MACROD2: variants seen among roughly 807,000 people sequenced by gnomAD.
MACROD2 encodes the protein ADP-ribose glycohydrolase MACROD2.
Under a neutral mutation model 70.4 loss-of-function variants are expected in MACROD2, and 36 were observed. The ratio of observed to expected loss-of-function variants is 0.51; its 90% confidence interval spans 0.39 to 0.68. The LOEUF (loss-of-function observed/expected upper bound fraction) is 0.68, where lower values mean the gene tolerates loss of function less well. MACROD2 is among the 30% of genes least tolerant of loss of function. MACROD2 has a pLI of 0.00. For synonymous variants in MACROD2, 172 were observed against 178.8 expected, an observed-to-expected ratio of 0.96 and a Z score of 0.30; for missense variants, 496 against 538.4, an observed-to-expected ratio of 0.92 and a Z score of 0.78.
intron 3 of MACROD2, among the ~76,000 whole-genome samples, chr20:14,384,509 T>A (rs1035919722): frequency 2.6e-5 from 4 of 151,842 alleles, no homozygotes; most frequent in African/African-American, 9.7e-5. Flanking sequence ...AGATATTTAC[T>A]GGAGAGAAGG....
chr20:14,215,446 C>T (rs1392446522), intron 3 of MACROD2, among the ~76,000 whole-genome samples: 2 of 150,968 alleles, frequency 1.3e-5, no homozygotes, highest in Admixed American at 6.6e-5. Flanking sequence ...TTTGCAATTG[C>T]GAATTGTGCT....
intron 5 of MACROD2, among the ~76,000 whole-genome samples, chr20:15,020,865 A>G (rs2075161473): frequency 6.6e-6 from 1 of 151,606 alleles, no homozygotes; most frequent in Admixed American, 6.6e-5. Flanking sequence ...AAGTGGTGTA[A>G]TGTGGCGCAT....
At chr20:15,677,268 CCTACTGTTCTGGGATGAAAG>C (rs781336340) in intron 8 of MACROD2, among the ~76,000 whole-genome samples, 1 of 152,054 alleles carries the variant, frequency 6.6e-6, no homozygotes, top group Non-Finnish European at 1.5e-5. Flanking sequence ...GGCTCTCTTT[CCTACTGTTCTGGGATGAAAG>C]CATCTAGGAA....
intron 8 of MACROD2, among the ~76,000 whole-genome samples, chr20:15,720,343 G>A (rs1056251060): frequency 1.3e-5 from 2 of 152,068 alleles, no homozygotes; most frequent in African/African-American, 2.4e-5. Flanking sequence ...TCTTACAGTA[G>A]TTCTACTTTT....
At chr20:15,151,847 G>A (rs960261792) in intron 5 of MACROD2, among the ~76,000 whole-genome samples, 3 of 151,946 alleles carry the variant, frequency 2.0e-5, no homozygotes, top group Non-Finnish European at 2.9e-5. Flanking sequence ...GGTGATAAAA[G>A]TATTATAGGG....
chr20:15,152,254 G>A (rs2076275398), intron 5 of MACROD2, among the ~76,000 whole-genome samples: 1 of 151,924 alleles, frequency 6.6e-6, no homozygotes. Flanking sequence ...GAGAGTTGAA[G>A]AGGTTTTAAG....
chr20:14,215,335 TATACACACACACACACACACACACAC>T (rs2081610855), intron 3 of MACROD2, among the ~76,000 whole-genome samples: 1 of 101,672 alleles, frequency 9.8e-6, no homozygotes, highest in Non-Finnish European at 2.2e-5. Context: ...TGCCATCATA[TATACACACACACACACACACACACAC>T]ACACACACAC....
chr20:14,431,684 A>T (rs2083996327), intron 3 of MACROD2, among the ~76,000 whole-genome samples: 2 of 152,182 alleles, frequency 1.3e-5, no homozygotes, highest in Admixed American at 1.3e-4. Context: ...GGCATCGAAT[A>T]ACTATAAAGT....
intron 7 of MACROD2, among the ~76,000 whole-genome samples, chr20:15,452,736 G>A (rs1039198044): frequency 3.3e-5 from 5 of 152,140 alleles, no homozygotes; most frequent in South Asian, 4.2e-4. Context: ...CTTGTGGGTA[G>A]GTGGTGGAAT....
At chr20:14,720,631 G>T (rs2123683500) in intron 5 of MACROD2, among the ~76,000 whole-genome samples, 1 of 131,598 alleles carries the variant, frequency 7.6e-6, no homozygotes, top group East Asian at 2.6e-4. Context: ...TCGGCTCACT[G>T]CAACCTCTGA....
chr20:15,940,259 CTTT>C (rs35217675), intron 12 of MACROD2, among the ~76,000 whole-genome samples: 19 of 144,182 alleles, frequency 1.3e-4, no homozygotes, highest in East Asian at 2.0e-4. Context: ...CCTGGCTCTT[CTTT>C]TTTTTTTTTT....
At chr20:15,081,398 G>A (rs115684990) in intron 5 of MACROD2, among the ~76,000 whole-genome samples, 1,762 of 152,216 alleles carry the variant, frequency 0.012, 33 homozygotes, top group African/African-American at 0.041. Context: ...AGTTTCTACC[G>A]TGGATTAACA....
At chr20:15,482,032 A>C (rs1277918197) in intron 7 of MACROD2, among the ~76,000 whole-genome samples, 1 of 152,160 alleles carries the variant, frequency 6.6e-6, no homozygotes, top group Non-Finnish European at 1.5e-5. Context: ...ATGAATTGTC[A>C]TACCCACACA....
chr20:15,513,611 T>A (rs779469766), intron 8 of MACROD2, among the ~76,000 whole-genome samples: 1 of 152,160 alleles, frequency 6.6e-6, no homozygotes, highest in African/African-American at 2.4e-5. Flanking sequence ...AAGAGAAAGA[T>A]TGATATACTC....
chr20:14,954,744 T>TTTTAAATATATAAATTATAAATA (rs1555855414), intron 5 of MACROD2, among the ~76,000 whole-genome samples: 3,516 of 104,974 alleles, frequency 0.033, 114 homozygotes, highest in Non-Finnish European at 0.043. Flanking sequence ...AAATTATAAA[T>TTTTAAATATATAAATTATAAATA]TATAAATATA....
chr20:15,467,735 A>C (rs78709406), intron 7 of MACROD2, among the ~76,000 whole-genome samples: 1 of 147,706 alleles, frequency 6.8e-6, no homozygotes, highest in African/African-American at 2.5e-5. Context: ...TGGTAAAAAA[A>C]TGTGAAAAGT....
chr20:14,034,940 G>A (rs374504273), intron 2 of MACROD2, among the ~76,000 whole-genome samples: 37 of 151,998 alleles, frequency 2.4e-4, no homozygotes, highest in Non-Finnish European at 3.8e-4. Flanking sequence ...ACATTTTTAT[G>A]TGCTTAGATT....
At chr20:15,236,975 GACCA>G (rs2077018854) in intron 6 of MACROD2, among the ~76,000 whole-genome samples, 1 of 152,050 alleles carries the variant, frequency 6.6e-6, no homozygotes, top group Non-Finnish European at 1.5e-5. Flanking sequence ...GCCCTCTAGG[GACCA>G]TTTTGTGAGG....
At chr20:14,577,714 C>G (rs1392965337) in intron 4 of MACROD2, among the ~76,000 whole-genome samples, 1 of 151,566 alleles carries the variant, frequency 6.6e-6, no homozygotes, top group Non-Finnish European at 1.5e-5. Context: ...CCCAGAAATT[C>G]AAGGTTACAG....
Sources: gnomAD v4.1 joint callset for allele counts (sites outside exome capture counted in the v4.1 genomes callset) on GRCh38, gnomAD v4.1.1 for gene constraint, MANE v1.5 for transcripts, NCBI Gene and HGNC (gene_info 2026-07-23, HGNC 2026-07-21) for gene names.